The following PLAC8L1 variants were observed in gnomAD, a reference collection of about 807,000 sequenced individuals.
PLAC8L1 encodes the protein PLAC8-like protein 1.
In PLAC8L1, 13 loss-of-function variants were observed where a neutral mutation model predicts 16.3. The ratio of observed to expected loss-of-function variants is 0.80; its 90% CI spans 0.52 to 1.27. The LOEUF (loss-of-function observed/expected upper bound fraction) is 1.27. Ranked by LOEUF, PLAC8L1 falls within the 50% of genes most tolerant of loss-of-function variation. The pLI, the probability that PLAC8L1 is intolerant of heterozygous loss-of-function variation, is 0.00. For synonymous variants in PLAC8L1, 78 were observed against 79.3 expected, an observed-to-expected ratio of 0.98 and a Z score of 0.09; for missense variants, 184 against 220.2, an observed-to-expected ratio of 0.84 and a Z score of 1.04.
chr5:146,088,684 T>C (rs1763562414), intron 2 of PLAC8L1, among the ~76,000 whole-genome samples: 1 of 152,136 alleles, frequency 6.6e-6, no homozygotes, highest in East Asian at 1.9e-4. Flanking sequence ...ACTGTAGACA[T>C]CTCTTGGCCC....
Position 146,104,314 on chromosome 5 carries a change from T to A in PLAC8L1, c.-3A>T. On this transcript the variant is annotated 5_prime_UTR_variant, in exon 1 of 4. Coordinates refer to ENST00000311450, the MANE Select transcript of PLAC8L1 (RefSeq NM_001029869.3). The stretch of plus-strand genomic sequence containing the variant: ...AAGTTACTTCCAAACCAATTCATAG[T>A]GAGAAGTGTTTTCTTGTCCTTTGGG... 6.3e-7 allele frequency: 1 copy of A among 1,599,398 alleles called. No individual in the cohort carries two copies. Among genetic ancestry groups the A allele is most frequent in the Non-Finnish European group, 8.6e-7 (1 of 1,166,642 alleles).
intron 2 of PLAC8L1, among the ~76,000 whole-genome samples, chr5:146,097,117 A>G (rs1309765870): frequency 6.6e-6 from 1 of 152,198 alleles, no homozygotes; most frequent in Non-Finnish European, 1.5e-5. Flanking sequence ...CTCCTCCCAG[A>G]GAGACTCTGT....
chr5:146,104,077 C>T (rs564265690), intron 1 of PLAC8L1, 116 bp downstream of exon 1: 1 of 1,444,730 alleles, frequency 6.9e-7, no homozygotes, highest in African/African-American at 1.4e-5. Flanking sequence ...GAAAAGATAG[C>T]AACCACTTTC....
intron 1 of PLAC8L1, among the ~76,000 whole-genome samples, chr5:146,099,658 C>CAAAAAA (rs10581890): frequency 1.1e-5 from 1 of 88,752 alleles, no homozygotes. Flanking sequence ...GACTCCGTCT[C>CAAAAAA]AAAAAAAAAA....
intron 3 of PLAC8L1, among the ~76,000 whole-genome samples, chr5:146,084,997 T>C (rs1195467486): frequency 6.6e-6 from 1 of 152,232 alleles, no homozygotes; most frequent in African/African-American, 2.4e-5. Context: ...CTGGAAGTAA[T>C]CATTGTTACC....
chr5:146,103,085 A>G (rs949709827), intron 1 of PLAC8L1, among the ~76,000 whole-genome samples: 2 of 152,190 alleles, frequency 1.3e-5, no homozygotes, highest in African/African-American at 4.8e-5. Flanking sequence ...AGGCACGGTG[A>G]TGCACACCTA....
chr5:146,101,766 C>T (rs1414324163), intron 1 of PLAC8L1, among the ~76,000 whole-genome samples: 7 of 152,196 alleles, frequency 4.6e-5, no homozygotes, highest in Non-Finnish European at 1.0e-4. Flanking sequence ...AGCCTAAAAG[C>T]TTTCTGCATT....
chr5:146,100,436 T>C (rs1181950775), intron 1 of PLAC8L1, among the ~76,000 whole-genome samples: 1 of 152,062 alleles, frequency 6.6e-6, no homozygotes, highest in Non-Finnish European at 1.5e-5. Context: ...AAAAAAAAAT[T>C]GGCTCCAAAA....
At chr5:146,101,664 C>A (rs1471652935) in intron 1 of PLAC8L1, among the ~76,000 whole-genome samples, 1 of 152,192 alleles carries the variant, frequency 6.6e-6, no homozygotes, top group African/African-American at 2.4e-5. Context: ...CTCCTCAAGG[C>A]TAGCTACAAA....
In PLAC8L1 at chr5:146,105,066, G is replaced by A. The variant is rs1285981077; in HGVS notation, c.-755C>T. Among the ~76,000 whole-genome samples the A allele has an allele frequency of 6.6e-6, 1 of 152,070 alleles. No individual in the cohort carries two copies. Among genetic ancestry groups the A allele is most frequent in the African/African-American group, 2.4e-5 (1 of 41,394 alleles). ...TCAGGAGCCTCTGAATCATGCCTCTGGCACATGTCTTATGGAGGTGTGGAC... is the reference window on the plus strand; with the variant it reads ...TCAGGAGCCTCTGAATCATGCCTCTAGCACATGTCTTATGGAGGTGTGGAC... On this transcript the variant is annotated 5_prime_UTR_variant, in exon 1 of 4. An upstream open reading frame in the 5' UTR gains an earlier in-frame stop. Transcript: ENST00000311450.
chr5:146,093,971 C>T (rs1161831598), intron 2 of PLAC8L1, among the ~76,000 whole-genome samples: 4 of 152,214 alleles, frequency 2.6e-5, no homozygotes, highest in Non-Finnish European at 5.9e-5. Flanking sequence ...CTGTCCTTTA[C>T]CCCATTCTCC....
intron 2 of PLAC8L1, among the ~76,000 whole-genome samples, chr5:146,094,083 CTTTTG>C (rs890886704): frequency 5.3e-5 from 8 of 151,874 alleles, no homozygotes; most frequent in African/African-American, 7.3e-5. Flanking sequence ...TGTTTTGTTT[CTTTTG>C]TTTTGTTTTG....
chr5:146,102,270 G>C (rs1451795107), intron 1 of PLAC8L1, among the ~76,000 whole-genome samples: 1 of 151,750 alleles, frequency 6.6e-6, no homozygotes, highest in African/African-American at 2.4e-5. Context: ...TATTGCCTAG[G>C]CTGTTTGTCT....
chr5:146,097,382 AGTACTACATAT>A (rs1763735307), intron 2 of PLAC8L1, among the ~76,000 whole-genome samples: 1 of 152,354 alleles, frequency 6.6e-6, no homozygotes, highest in East Asian at 1.9e-4. Flanking sequence ...TGTTGATAGG[AGTACTACATAT>A]TCTTCCAAGA....
Position 146,098,203 on chromosome 5 carries a change from C to CA in PLAC8L1, c.208_209insT (p.Gly70ValfsTer14). 4 of 1,614,114 alleles carry CA rather than the reference C, an allele frequency of 2.5e-6. No homozygotes were observed. Among genetic ancestry groups the CA allele is most frequent in the Non-Finnish European group, 2.5e-6 (3 of 1,179,982 alleles). ...ACTGAAGAGACCGGTGCTCCAGCCC[C>CA]CGCCAGTCTGGACAATTGCTGTGAT... On this transcript the variant is annotated frameshift_variant, in exon 2 of 4. Transcript: ENST00000311450. LOFTEE classifies it high-confidence loss of function.
intron 2 of PLAC8L1, among the ~76,000 whole-genome samples, chr5:146,095,525 T>G (rs1473029613): frequency 2.6e-5 from 4 of 152,236 alleles, no homozygotes; most frequent in Non-Finnish European, 5.9e-5. Context: ...GAATCTAATA[T>G]AAGCCTTCTG....
intron 2 of PLAC8L1, among the ~76,000 whole-genome samples, chr5:146,089,370 T>C (rs1483089779): frequency 6.6e-6 from 1 of 152,194 alleles, no homozygotes; most frequent in Admixed American, 6.5e-5. Flanking sequence ...CTCATATTTA[T>C]ACAGAGTTCA....
intron 1 of PLAC8L1, among the ~76,000 whole-genome samples, chr5:146,099,148 G>A (rs1416151197): frequency 6.6e-6 from 1 of 152,118 alleles, no homozygotes; most frequent in African/African-American, 2.4e-5. Context: ...TGAAGGGTAA[G>A]TTGCACTTGG....
chr5:146,091,179 A>G (rs1270480189), intron 2 of PLAC8L1, among the ~76,000 whole-genome samples: 2 of 152,236 alleles, frequency 1.3e-5, no homozygotes, highest in East Asian at 3.8e-4. Context: ...ATCTATGACA[A>G]TGTTACATCA....
Sources: allele counts gnomAD v4.1 joint callset (sites outside exome capture counted in the v4.1 genomes callset), GRCh38; gene constraint gnomAD v4.1.1; transcripts MANE v1.5; gene names NCBI Gene and HGNC (gene_info 2026-07-23, HGNC 2026-07-21).